The following GABRB1 variants were observed in gnomAD, a reference collection of about 807,000 sequenced individuals.
The protein encoded by GABRB1 is gamma-aminobutyric acid type A receptor subunit beta1, also known as gamma-aminobutyric acid receptor subunit beta-1.
GABRB1 carries 17 observed loss-of-function variants against 51.6 expected under a neutral mutation model. The observed-to-expected ratio is 0.33, with a 90% CI of 0.23 to 0.49. GABRB1 has a LOEUF of 0.49. Ranked by LOEUF, GABRB1 falls within the 20% of genes least tolerant of loss-of-function variation. The pLI, the probability that GABRB1 is intolerant of heterozygous loss-of-function variation, is 0.99. For synonymous variants in GABRB1, 247 were observed against 218.9 expected (o/e 1.13, Z -1.14); for missense variants, 410 against 600.6 (o/e 0.68, Z 3.32).
chr4:47,327,354 T>C (rs987648856), intron 5 of GABRB1, among the ~76,000 whole-genome samples: 6 of 150,476 alleles, frequency 4.0e-5, no homozygotes, highest in Admixed American at 1.3e-4. Context: ...GAGTAGGATC[T>C]CTTAAAAGAA....
intron 4 of GABRB1, among the ~76,000 whole-genome samples, chr4:47,165,863 A>G (rs533309050): frequency 3.0e-4 from 45 of 152,186 alleles, no homozygotes; most frequent in African/African-American, 1.0e-3. Context: ...GTGCTAATGA[A>G]ATTACCATTA....
chr4:47,195,229 T>C (rs1236099640), intron 4 of GABRB1, among the ~76,000 whole-genome samples: 1 of 152,032 alleles, frequency 6.6e-6, no homozygotes, highest in Non-Finnish European at 1.5e-5. Flanking sequence ...TAGCCGGGCA[T>C]TGTGGCGGGC....
At chr4:47,184,368 G>C (rs572157853) in intron 4 of GABRB1, among the ~76,000 whole-genome samples, 2 of 151,808 alleles carry the variant, frequency 1.3e-5, no homozygotes, top group African/African-American at 4.8e-5. Context: ...CTTAAGAACT[G>C]GTATGTTTCT....
intron 3 of GABRB1, among the ~76,000 whole-genome samples, chr4:47,052,113 G>A (rs1199069726): frequency 6.6e-6 from 1 of 152,170 alleles, no homozygotes; most frequent in Non-Finnish European, 1.5e-5. Flanking sequence ...CTGGGTGACA[G>A]AGTGAGACCC....
rs370156528 is a variant in GABRB1 at position 47,398,915 on chromosome 4, T to C, written c.545-4403T>C. On this transcript the variant is annotated intron_variant, in intron 5 of 8. Coordinates refer to ENST00000295454, the MANE Select transcript of GABRB1 (RefSeq NM_000812.4). ...ACGCCATTCTCCCGCCTCAGCCTCCTGAGTAGCTGGGACTATAGGGGCCCG... is the reference window on the plus strand; with the variant it reads ...ACGCCATTCTCCCGCCTCAGCCTCCCGAGTAGCTGGGACTATAGGGGCCCG... Among the ~76,000 whole-genome samples, 84 of 151,954 alleles carry C rather than the reference T, an allele frequency of 5.5e-4. No homozygotes were observed. The East Asian group carries it at 0.011, about 20-fold the overall frequency.
chr4:47,425,669 A>G lies in GABRB1; in HGVS notation c.1081-5A>G. 1.3e-6 allele frequency: 2 copies of G among 1,580,032 alleles called. 1 individual carries two copies. Among genetic ancestry groups the G allele is most frequent in the Non-Finnish European group, 1.7e-6 (2 of 1,163,070 alleles). On this transcript the variant is annotated splice_region_variant and splice_polypyrimidine_tract_variant and intron_variant, in intron 8 of 8. Transcript: ENST00000295454. ...TGTGTCCGAGCCTGTTCTTTTTGCC[A>G]TCAGGTCGACGCCCACGGTAACATT...
At chr4:47,311,461 G>C (rs1239384550) in intron 4 of GABRB1, among the ~76,000 whole-genome samples, 1 of 139,934 alleles carries the variant, frequency 7.1e-6, no homozygotes, top group African/African-American at 2.7e-5. Flanking sequence ...GAATATCTTA[G>C]TGGGCCCAAT....
chr4:47,300,424 T>G (rs1184133838), intron 4 of GABRB1, among the ~76,000 whole-genome samples: 1 of 152,086 alleles, frequency 6.6e-6, no homozygotes, highest in Non-Finnish European at 1.5e-5. Context: ...ACATAAAGTT[T>G]GTCAGAATAA....
At chr4:47,415,680 A>T (rs573265169) in intron 8 of GABRB1, among the ~76,000 whole-genome samples, 1 of 152,320 alleles carries the variant, frequency 6.6e-6, no homozygotes, top group African/African-American at 2.4e-5. Flanking sequence ...GGTAGAATGG[A>T]ATCAGACAGG....
intron 4 of GABRB1, among the ~76,000 whole-genome samples, chr4:47,290,432 C>T (rs909159177): frequency 1.3e-5 from 2 of 152,180 alleles, no homozygotes; most frequent in East Asian, 3.8e-4. Context: ...AGCATAAAAA[C>T]AGACTAATAC....
chr4:47,265,448 A>G (rs575760209), intron 4 of GABRB1, among the ~76,000 whole-genome samples: 8 of 151,958 alleles, frequency 5.3e-5, no homozygotes, highest in African/African-American at 1.9e-4. Context: ...ATAATAATTT[A>G]TTTTCCTTTG....
At chr4:47,126,425 A>C (rs1716146524) in intron 3 of GABRB1, among the ~76,000 whole-genome samples, 1 of 152,186 alleles carries the variant, frequency 6.6e-6, no homozygotes. Context: ...TTCTCACCAC[A>C]TGCCAAAAAT....
chr4:47,200,122 G>A (rs747772365), intron 4 of GABRB1, among the ~76,000 whole-genome samples: 1 of 152,210 alleles, frequency 6.6e-6, no homozygotes, highest in East Asian at 1.9e-4. Context: ...ATAGAGGGAA[G>A]TGAGAACATG....
chr4:47,051,319 T>C (rs1726340019), intron 3 of GABRB1, among the ~76,000 whole-genome samples: 1 of 152,116 alleles, frequency 6.6e-6, no homozygotes, highest in Admixed American at 6.6e-5. Flanking sequence ...AATTTTCTGC[T>C]TAAGAGTATA....
At chr4:47,363,381 T>G (rs1726872262) in intron 5 of GABRB1, among the ~76,000 whole-genome samples, 1 of 151,922 alleles carries the variant, frequency 6.6e-6, no homozygotes, top group Admixed American at 6.6e-5. Flanking sequence ...TTAGCCAAAT[T>G]TTGTATGTGT....
chr4:47,389,673 C>A (rs1166666299), intron 5 of GABRB1, among the ~76,000 whole-genome samples: 1 of 152,166 alleles, frequency 6.6e-6, no homozygotes, highest in Non-Finnish European at 1.5e-5. Context: ...GAAAGGAACC[C>A]AAAGTAGCCT....
intron 3 of GABRB1, among the ~76,000 whole-genome samples, chr4:47,120,247 A>G (rs1305379647): frequency 6.6e-6 from 1 of 152,188 alleles, no homozygotes; most frequent in Non-Finnish European, 1.5e-5. Context: ...TATAAAGCAA[A>G]TATTATTAGA....
intron 3 of GABRB1, among the ~76,000 whole-genome samples, chr4:47,160,386 T>G (rs1717889605): frequency 6.6e-6 from 1 of 152,130 alleles, no homozygotes; most frequent in African/African-American, 2.4e-5. Context: ...CATAACTACT[T>G]TTCAGGACTC....
At chr4:46,995,461 C>A (rs1723962171) in intron 1 of GABRB1, among the ~76,000 whole-genome samples, 1 of 152,166 alleles carries the variant, frequency 6.6e-6, no homozygotes, top group Non-Finnish European at 1.5e-5. Flanking sequence ...TGGGCTCAAG[C>A]AATCCTTCTA....
Sources: gnomAD v4.1 joint callset for allele counts (sites outside exome capture counted in the v4.1 genomes callset) on GRCh38, gnomAD v4.1.1 for gene constraint, MANE v1.5 for transcripts, NCBI Gene and HGNC (gene_info 2026-07-23, HGNC 2026-07-21) for gene names.